Variants in RAD51AP2 observed in about 807,000 individuals in gnomAD.
RAD51AP2 encodes RAD51-associated protein 2.
In RAD51AP2, 67 loss-of-function variants were observed where a neutral mutation model predicts 85.5. The observed-to-expected ratio is 0.78, with a 90% CI of 0.64 to 0.96. RAD51AP2 has a LOEUF of 0.96. Ranked by LOEUF, RAD51AP2 falls within the 40% of genes least tolerant of loss-of-function variation. The probability of loss-of-function intolerance (pLI) is 0.00; values close to 1 mark genes in which losing one functional copy is unlikely to be tolerated. For missense variants in RAD51AP2, 1,307 were observed against 1,332.4 expected (o/e 0.98, Z 0.30); for synonymous variants, 474 against 446.5 (o/e 1.06, Z -0.78).
chr2:17,536,544 T>C, the RAD51AP2 span, among the ~76,000 whole-genome samples: 1 of 152,242 alleles, frequency 6.6e-6, no homozygotes, highest in African/African-American at 2.4e-5. Flanking sequence ...GTATTTGCTA[T>C]GACTATTTCT....
chr2:17,526,646 A>G, the RAD51AP2 span, among the ~76,000 whole-genome samples: 2 of 152,128 alleles, frequency 1.3e-5, no homozygotes, highest in Non-Finnish European at 2.9e-5. Context: ...TTAAACTCCA[A>G]AAGAAGTATC....
chr2:17,518,557 A>C (rs1662779854), upstream of RAD51AP2: 2 of 1,037,122 alleles, frequency 1.9e-6, no homozygotes, highest in African/African-American at 1.6e-5. Context: ...CCCACCCCGA[A>C]TCCGCCCCTC....
chr2:17,515,962 C>A lies in RAD51AP2; in HGVS notation c.2454G>T (p.Trp818Cys). Reference protein sequence around the residue: ...TTSITQVLNFWNLLSEIEEKK... With the variant: ...TTSITQVLNFCNLLSEIEEKK... ...TTTCTTCTATTTCACTTAGCAAGTT[C>A]CAAAAATTTAGTACTTGAGTTATAG... The change falls in exon 1 of 3, where the codon TGG becomes TGT. Residue 818 changes from tryptophan to cysteine, a missense_variant. By Grantham distance (215) the Trp-to-Cys change is radical. Coordinates refer to ENST00000399080, the MANE Select transcript of RAD51AP2 (RefSeq NM_001099218.3). The A allele has an allele frequency of 6.2e-7, 1 of 1,607,776 alleles. No homozygotes were observed. The highest frequency in any genetic ancestry group is 8.5e-7 in the Non-Finnish European group (1 of 1,178,542).
rs1353766248 is a variant in RAD51AP2 at position 17,515,755 on chromosome 2, T to A, written c.2661A>T (p.Glu887Asp). 1 of 1,595,854 alleles carries A rather than the reference T, an allele frequency of 6.3e-7. No homozygotes were observed. Among genetic ancestry groups the A allele is most frequent in the Non-Finnish European group, 8.5e-7 (1 of 1,170,842 alleles). Reference protein sequence around the residue: ...SLISKEVNVEENKYVNQNYVT... With the variant: ...SLISKEVNVEDNKYVNQNYVT... ...CATAATTTTGATTAACATATTTATT[T>A]TCTTCCACATTTACTTCCTTACTTA... Residue 887 changes from glutamate (E) to aspartate (D), a missense_variant, in exon 1 of 3, where the codon GAA becomes GAT. Around this residue, in one of 3 missense-constraint regions of RAD51AP2, gnomAD observed 668 missense variants for 671.0 expected, o/e 1.00. Transcript: ENST00000399080.
chr2:17,534,248 T>C, the RAD51AP2 span, among the ~76,000 whole-genome samples: 1 of 152,258 alleles, frequency 6.6e-6, no homozygotes, highest in Non-Finnish European at 1.5e-5. Flanking sequence ...TGTTTTTATA[T>C]ACTCTGGTTT....
At chr2:17,525,993 T>C in the RAD51AP2 span, among the ~76,000 whole-genome samples, 1 of 151,738 alleles carries the variant, frequency 6.6e-6, no homozygotes, top group Non-Finnish European at 1.5e-5. Context: ...TTCTCGTATG[T>C]GGAAAACAAA....
At chr2:17,523,487 T>C in the RAD51AP2 span, among the ~76,000 whole-genome samples, 2 of 151,952 alleles carry the variant, frequency 1.3e-5, no homozygotes. Context: ...CTCTGTCTTA[T>C]GTTTCAATAG....
At chr2:17,512,931 T>G (rs751230452) in intron 2 of RAD51AP2, among the ~76,000 whole-genome samples, 1 of 152,188 alleles carries the variant, frequency 6.6e-6, no homozygotes, top group South Asian at 2.1e-4. Context: ...GTATCAGAGG[T>G]AACATTCTAC....
At chr2:17,531,176 A>C in the RAD51AP2 span, among the ~76,000 whole-genome samples, 10 of 152,182 alleles carry the variant, frequency 6.6e-5, no homozygotes, top group Non-Finnish European at 1.3e-4. Context: ...ATCATGTGGT[A>C]TGTGCAGCTG....
rs369876436 is a variant in RAD51AP2, at chr2:17,518,302, A to G, written c.114T>C (p.Leu38=). ...SQPPSSKRLC[L]EEPGGVFKAG... is the part of the protein sequence containing the mutation. ...CCTTAAAGACACCTCCAGGCTCCTC[A>G]AGACAGAGCCGCTTGCTACTAGGTG... Residue 38 remains leucine, a synonymous_variant, in exon 1 of 3, where the codon CTT becomes CTC. Transcript: ENST00000399080. 127 of 1,614,132 alleles carry G rather than the reference A, an allele frequency of 7.9e-5. No homozygotes were observed. In the African/African-American group the frequency reaches 1.3e-3, roughly 17 times the overall value.
chr2:17,535,694 CA>C, the RAD51AP2 span, among the ~76,000 whole-genome samples: 1 of 151,976 alleles, frequency 6.6e-6, no homozygotes. Context: ...CTAGGCAGCA[CA>C]GGGGGAAGAA....
At chr2:17,529,201 T>A in the RAD51AP2 span, among the ~76,000 whole-genome samples, 1 of 151,748 alleles carries the variant, frequency 6.6e-6, no homozygotes, top group Non-Finnish European at 1.5e-5. Flanking sequence ...ACATGTCAAC[T>A]TTCCTCTGTA....
At chr2:17,525,988 G>A in the RAD51AP2 span, among the ~76,000 whole-genome samples, 7 of 151,726 alleles carry the variant, frequency 4.6e-5, no homozygotes, top group Non-Finnish European at 8.8e-5. Context: ...CCTTCTTCTC[G>A]TATGTGGAAA....
the RAD51AP2 span, among the ~76,000 whole-genome samples, chr2:17,524,385 T>A: frequency 6.6e-6 from 1 of 151,916 alleles, no homozygotes; most frequent in South Asian, 2.1e-4. Context: ...TTCAGTATAA[T>A]AGGATAAGCG....
rs1295963563 is a variant in RAD51AP2 at position 17,516,783 on chromosome 2, T to C, written c.1633A>G (p.Ile545Val). 4 of 1,554,668 alleles carry C rather than the reference T, an allele frequency of 2.6e-6. No homozygotes were observed. Among genetic ancestry groups the C allele is most frequent in the Non-Finnish European group, 3.5e-6 (4 of 1,146,526 alleles). ...CTGGTTATTAGATTTTGAATACCAATTATACCAATTTGCTTTTTACACTTC... is the reference window on the plus strand; with the variant it reads ...CTGGTTATTAGATTTTGAATACCAACTATACCAATTTGCTTTTTACACTTC... ...ILKCKKQIGIIGIQNLITRNM... is the reference protein window; with the variant it reads ...ILKCKKQIGIVGIQNLITRNM... Residue 545 changes from isoleucine to valine, a missense_variant, in exon 1 of 3, where the codon ATT becomes GTT. Ile to Val is a conservative substitution (Grantham distance 29, BLOSUM62 3). Transcript: ENST00000399080.
In RAD51AP2 at chr2:17,517,854, T is replaced by C; in HGVS notation, c.562A>G (p.Lys188Glu). 1 of 1,614,192 alleles carries C rather than the reference T, an allele frequency of 6.2e-7. No homozygotes were observed. Among genetic ancestry groups the C allele is most frequent in the South Asian group, 1.1e-5 (1 of 91,074 alleles). Reference sequence around the variant, plus strand: ...GTAACATCTAAAAATGGATTTTCTTTGTGAACATTGTCTCTTCCTTGGACA... The same window carrying C: ...GTAACATCTAAAAATGGATTTTCTTCGTGAACATTGTCTCTTCCTTGGACA... ...QFVQGRDNVHKENPFLDVTFY... is the reference protein window; with the variant it reads ...QFVQGRDNVHEENPFLDVTFY... The change falls in exon 1 of 3, where the codon AAA becomes GAA. Residue 188 changes from lysine to glutamate, a missense_variant. Lys to Glu is a moderately conservative substitution (Grantham distance 56, BLOSUM62 1). Transcript: ENST00000399080.
At chr2:17,532,051 G>C in the RAD51AP2 span, among the ~76,000 whole-genome samples, 3 of 152,022 alleles carry the variant, frequency 2.0e-5, no homozygotes, top group Admixed American at 1.3e-4. Context: ...CCGGGGTGGG[G>C]GGGGAAGCAT....
chr2:17,531,789 C>A, the RAD51AP2 span, among the ~76,000 whole-genome samples: 3 of 152,176 alleles, frequency 2.0e-5, no homozygotes, highest in Non-Finnish European at 2.9e-5. Flanking sequence ...TTGGAAGAAA[C>A]TGGCTCAATA....
intron 1 of RAD51AP2, among the ~76,000 whole-genome samples, chr2:17,514,603 C>G (rs1010485270): frequency 6.6e-6 from 1 of 152,086 alleles, no homozygotes; most frequent in South Asian, 2.1e-4. Context: ...GCCCCCATCT[C>G]TACTAAAAAC....
Sources: allele counts gnomAD v4.1 joint callset (sites outside exome capture counted in the v4.1 genomes callset), GRCh38; gene constraint gnomAD v4.1.1; regional missense constraint gnomAD v4.1.1; transcripts MANE v1.5; gene names NCBI Gene and HGNC (gene_info 2026-07-23, HGNC 2026-07-21).